Variants in CCDC12 observed in about 807,000 individuals in gnomAD.
CCDC12 encodes coiled-coil domain containing 12.
In CCDC12, 28 loss-of-function variants were observed where a neutral mutation model predicts 25.7. That is an observed-to-expected ratio of 1.09 (90% CI 0.81 to 1.50). The LOEUF is 1.50. Among genes scored for constraint, CCDC12 ranks in the 40% most tolerant of loss-of-function variants. The pLI is 0.00. For synonymous variants in CCDC12, 75 were observed against 87.7 expected (o/e 0.86, Z 0.81); for missense variants, 198 against 210.0 (o/e 0.94, Z 0.35).
At chr3:46,924,411 A>C (rs1286568843) in intron 3 of CCDC12, among the ~76,000 whole-genome samples, 4 of 152,144 alleles carry the variant, frequency 2.6e-5, no homozygotes, top group Admixed American at 6.5e-5. Flanking sequence ...CCAAACTACA[A>C]AGCAAATCAC....
chr3:46,979,623 G>T (rs2035158340), upstream of CCDC12: 2 of 301,442 alleles, frequency 6.6e-6, no homozygotes, highest in East Asian at 1.0e-4. Context: ...AGGCGGGGCG[G>T]CGGTGACTGC....
At chr3:46,948,807 G>C (rs2034004319) in intron 1 of CCDC12, among the ~76,000 whole-genome samples, 1 of 152,240 alleles carries the variant, frequency 6.6e-6, no homozygotes, top group Non-Finnish European at 1.5e-5. Context: ...GTGTCTGTCA[G>C]GAGTGTGGGG....
At chr3:46,953,640 C>CA (rs2107166596) in intron 1 of CCDC12, among the ~76,000 whole-genome samples, 1 of 145,442 alleles carries the variant, frequency 6.9e-6, no homozygotes, top group African/African-American at 2.5e-5. Flanking sequence ...TGACTTTTCT[C>CA]AAGCTTGGAA....
At chr3:46,946,565 G>C (rs953414514) in intron 1 of CCDC12, among the ~76,000 whole-genome samples, 3 of 152,254 alleles carry the variant, frequency 2.0e-5, no homozygotes, top group African/African-American at 7.2e-5. Flanking sequence ...ACCTGATGCT[G>C]TCAGGGGCAG....
intron 1 of CCDC12, among the ~76,000 whole-genome samples, chr3:46,970,809 G>A (rs747877162): frequency 8.5e-5 from 10 of 118,078 alleles, no homozygotes; most frequent in Admixed American, 1.8e-4. Flanking sequence ...CTGCCCTGCC[G>A]GACAGCACTG....
Position 46,951,798 on chromosome 3 carries a change from A to AAAAAAAAAATATCCCATATATATAT in CCDC12, c.97-10734_97-10733insATATATATATGGGATATTTTTTTTT. Among the ~76,000 whole-genome samples, 4 of 8,466 alleles carry AAAAAAAAAATATCCCATATATATAT rather than the reference A, an allele frequency of 4.7e-4. 1 individual carries two copies. Among genetic ancestry groups the AAAAAAAAAATATCCCATATATATAT allele is most frequent in the African/African-American group, 9.8e-4 (4 of 4,068 alleles). 5.6% of individuals were successfully genotyped at this position (8,466 alleles called of 152,430 possible). ...CCGTCTCAAAAAAAAAAAAAAAAAA[A>AAAAAAAAAATATCCCATATATATAT]ATATATATATATATATATATATATA... On this transcript the variant is annotated intron_variant, in intron 1 of 6. Transcript: ENST00000683445.
At chr3:46,930,960 G>A (rs567645896) in intron 2 of CCDC12, among the ~76,000 whole-genome samples, 1 of 152,318 alleles carries the variant, frequency 6.6e-6, no homozygotes, top group South Asian at 2.1e-4. Flanking sequence ...GCTCCAGGAG[G>A]GGCTCAGCAT....
Position 46,965,492 on chromosome 3 carries a change from G to A in CCDC12, c.96+11145C>T, listed in dbSNP as rs185067582. 1.8e-3 allele frequency among the ~76,000 whole-genome samples: 272 copies of A among 152,318 alleles called. 1 individual carries two copies. Among genetic ancestry groups the A allele is most frequent in the Admixed American group, 3.7e-3 (57 of 15,302 alleles). ...CCACCCATCTGCCTCGATGGAAACC[G>A]TGCCCTCTGAGGGAAATCCAGAGAG... On this transcript the variant is annotated intron_variant, in intron 1 of 6. Transcript: ENST00000683445.
chr3:46,923,091 G>A (rs2032757279), intron 5 of CCDC12: 1 of 391,516 alleles, frequency 2.6e-6, no homozygotes, highest in Admixed American at 4.4e-5. Flanking sequence ...CCTCTCAGGA[G>A]GGCCTTCATG....
chr3:46,970,722 T>C (rs944440954), intron 1 of CCDC12, among the ~76,000 whole-genome samples: 1 of 152,172 alleles, frequency 6.6e-6, no homozygotes, highest in African/African-American at 2.4e-5. Context: ...TTATGCCAAG[T>C]TAATCATCAC....
At chr3:46,932,964 C>T (rs779748656) in intron 2 of CCDC12, among the ~76,000 whole-genome samples, 18 of 152,358 alleles carry the variant, frequency 1.2e-4, no homozygotes, top group South Asian at 2.1e-4. Flanking sequence ...GCAGAATCCA[C>T]ACCCTGCTCT....
chr3:46,965,375 A>G (rs980851201), intron 1 of CCDC12, among the ~76,000 whole-genome samples: 1 of 152,308 alleles, frequency 6.6e-6, no homozygotes, highest in South Asian at 2.1e-4. Flanking sequence ...AGAAAGAGGA[A>G]CCTTGTCTTG....
chr3:46,928,189 C>T (rs1210854147), intron 2 of CCDC12, among the ~76,000 whole-genome samples: 1 of 151,938 alleles, frequency 6.6e-6, no homozygotes, highest in Non-Finnish European at 1.5e-5. Context: ...GCAGAGGTTG[C>T]AGTGAGCTGA....
At chr3:46,964,521 T>C (rs949767533) in intron 1 of CCDC12, among the ~76,000 whole-genome samples, 17 of 152,090 alleles carry the variant, frequency 1.1e-4, no homozygotes, top group African/African-American at 4.1e-4. Context: ...GGGGGAAAGG[T>C]GGGGAAAAGA....
At chr3:46,975,036 C>T (rs1263214106) in intron 1 of CCDC12, among the ~76,000 whole-genome samples, 1 of 152,186 alleles carries the variant, frequency 6.6e-6, no homozygotes, top group Non-Finnish European at 1.5e-5. Flanking sequence ...AATTCTTCTT[C>T]CTCTCCATTA....
intron 1 of CCDC12, among the ~76,000 whole-genome samples, chr3:46,949,772 T>C (rs867120970): frequency 1.3e-5 from 2 of 152,130 alleles, no homozygotes; most frequent in African/African-American, 4.8e-5. Context: ...CTCACGCCTG[T>C]AATCCCAGCA....
At position 46,935,626 on chromosome 3, in the gene CCDC12, G is replaced by A. The variant is rs1224140981; in HGVS notation, c.164+5372C>T. Among the ~76,000 whole-genome samples the A allele has an allele frequency of 2.0e-5, 3 of 152,194 alleles. No individual in the cohort carries two copies. In the East Asian group the frequency reaches 5.8e-4, roughly 29 times the overall value. On this transcript the variant is annotated intron_variant, in intron 2 of 6. Coordinates refer to ENST00000683445, the MANE Select transcript of CCDC12 (RefSeq NM_001277074.2). ...GGCAGTACACAGGGGGCTGGGGGAA[G>A]GGAGCTGCCTTAGGGATGAGTCATC...
At chr3:46,944,594 C>A (rs992217200) in intron 1 of CCDC12, among the ~76,000 whole-genome samples, 3 of 151,952 alleles carry the variant, frequency 2.0e-5, no homozygotes, top group Non-Finnish European at 2.9e-5. Flanking sequence ...GCCATCTTCT[C>A]CCTCCTTCCC....
At chr3:46,951,533 C>A (rs1280139377) in intron 1 of CCDC12, among the ~76,000 whole-genome samples, 3 of 151,076 alleles carry the variant, frequency 2.0e-5, no homozygotes, top group African/African-American at 7.3e-5. Flanking sequence ...GTAATCCCAG[C>A]ACTTTGGGAA....
Sources: allele counts gnomAD v4.1 joint callset (sites outside exome capture counted in the v4.1 genomes callset), GRCh38; gene constraint gnomAD v4.1.1; transcripts MANE v1.5; gene names NCBI Gene and HGNC (gene_info 2026-07-23, HGNC 2026-07-21).